Variants in TCF7L1 observed in about 807,000 individuals in gnomAD.
TCF7L1 encodes transcription factor 7 like 1.
In TCF7L1, 18 loss-of-function variants were observed where a neutral mutation model predicts 63.7. The observed-to-expected ratio is 0.28, with a 90% CI of 0.20 to 0.42. The LOEUF (loss-of-function observed/expected upper bound fraction) is 0.42, where lower values mean the gene tolerates loss of function less well. Ranked by LOEUF, TCF7L1 falls within the 10% of genes least tolerant of loss-of-function variation. TCF7L1 has a pLI of 1.00. For missense variants in TCF7L1, 654 were observed against 779.3 expected, an observed-to-expected ratio of 0.84 and a Z score of 1.91; for synonymous variants, 355 against 340.9, an observed-to-expected ratio of 1.04 and a Z score of -0.46.
At chr2:85,284,349 C>A (rs1288440043) in intron 4 of TCF7L1, among the ~76,000 whole-genome samples, 1 of 152,176 alleles carries the variant, frequency 6.6e-6, no homozygotes, top group Non-Finnish European at 1.5e-5. Flanking sequence ...GGAAAGAATT[C>A]AATAGGACGT....
intron 3 of TCF7L1, among the ~76,000 whole-genome samples, chr2:85,266,727 C>A (rs539843168): frequency 6.6e-6 from 1 of 152,262 alleles, no homozygotes; most frequent in African/African-American, 2.4e-5. Context: ...TTCAATAATA[C>A]AAGTATTCTT....
At chr2:85,265,018 C>A (rs908301) in intron 3 of TCF7L1, among the ~76,000 whole-genome samples, 1 of 151,756 alleles carries the variant, frequency 6.6e-6, no homozygotes, top group Non-Finnish European at 1.5e-5. Context: ...ATGGATCCAC[C>A]GGAATGAAGA....
intron 3 of TCF7L1, among the ~76,000 whole-genome samples, chr2:85,235,305 G>GT (rs1273816016): frequency 2.0e-5 from 3 of 151,764 alleles, no homozygotes; most frequent in Non-Finnish European, 4.4e-5. Context: ...AAAGCACTTG[G>GT]ATGTGAGTTT....
intron 3 of TCF7L1, among the ~76,000 whole-genome samples, chr2:85,202,011 G>A (rs1390725086): frequency 3.3e-5 from 5 of 151,974 alleles, no homozygotes; most frequent in South Asian, 4.2e-4. Context: ...CACCCAGGCT[G>A]AAGTGCAGTG....
intron 4 of TCF7L1, among the ~76,000 whole-genome samples, chr2:85,294,897 GGT>G (rs1206349443): frequency 6.6e-6 from 1 of 151,960 alleles, no homozygotes; most frequent in Non-Finnish European, 1.5e-5. Flanking sequence ...AGCCGGGCAT[GGT>G]GGCACATACC....
Position 85,305,909 on chromosome 2 carries a change from C to T in TCF7L1, c.990-297C>T, listed in dbSNP as rs536822030. ...GCCCCACACTGTGTCCTGTCACCGC[C>T]GCCAGCACCTGCCAGCTCCAGTGAG... is the stretch of plus-strand genomic sequence containing the variant. On this transcript the variant is annotated intron_variant, in intron 8 of 11. Transcript: ENST00000282111. Among the ~76,000 whole-genome samples the T allele has an allele frequency of 4.3e-4, 65 of 152,252 alleles. No homozygotes were observed. The South Asian group carries it at 0.013, about 30-fold the overall frequency.
chr2:85,181,656 GAGA>G (rs1173254625), intron 3 of TCF7L1, among the ~76,000 whole-genome samples: 2 of 152,276 alleles, frequency 1.3e-5, no homozygotes, highest in East Asian at 1.9e-4. Context: ...CTGCTTGGAG[GAGA>G]AGGTCTGGGG....
chr2:85,291,629 A>G (rs1293029633), intron 4 of TCF7L1, among the ~76,000 whole-genome samples: 1 of 152,156 alleles, frequency 6.6e-6, no homozygotes, highest in Admixed American at 6.5e-5. Context: ...CCCAAGCAGG[A>G]GTGCAATGGC....
At chr2:85,147,445 C>T (rs754166617) in intron 3 of TCF7L1, among the ~76,000 whole-genome samples, 2 of 152,154 alleles carry the variant, frequency 1.3e-5, no homozygotes, top group African/African-American at 4.8e-5. Flanking sequence ...ACCCCAGCAC[C>T]TCCTAGATGA....
At chr2:85,164,964 G>A (rs1678381580) in intron 3 of TCF7L1, among the ~76,000 whole-genome samples, 1 of 152,166 alleles carries the variant, frequency 6.6e-6, no homozygotes, top group East Asian at 1.9e-4. Flanking sequence ...TACCATGGTG[G>A]AAAATATAAA....
At chr2:85,142,432 ATGTGTGTGTGTGT>A (rs1677759950) in intron 3 of TCF7L1, among the ~76,000 whole-genome samples, 3 of 138,064 alleles carry the variant, frequency 2.2e-5, no homozygotes, top group African/African-American at 8.2e-5. Flanking sequence ...AAAAAAAAAA[ATGTGTGTGTGTGT>A]GTGTGTGTGT....
chr2:85,166,239 T>C (rs1355483898), intron 3 of TCF7L1, among the ~76,000 whole-genome samples: 1 of 152,166 alleles, frequency 6.6e-6, no homozygotes, highest in Non-Finnish European at 1.5e-5. Context: ...TGGGCTATTA[T>C]TTACAGGGCT....
intron 3 of TCF7L1, among the ~76,000 whole-genome samples, chr2:85,253,309 G>A (rs1381148976): frequency 7.4e-6 from 1 of 134,434 alleles, no homozygotes; most frequent in African/African-American, 2.8e-5. Flanking sequence ...TGTGATTGTC[G>A]TTTTACCTAA....
At chr2:85,249,924 T>TGA (rs1243059277) in intron 3 of TCF7L1, among the ~76,000 whole-genome samples, 7 of 152,242 alleles carry the variant, frequency 4.6e-5, no homozygotes, top group African/African-American at 1.7e-4. Flanking sequence ...TATGTTGTTC[T>TGA]GAGGATTAAG....
In TCF7L1 at chr2:85,134,415, T is replaced by G. The variant is rs749551627; in HGVS notation, c.406T>G (p.Ser136Ala). Residue 136 changes from serine (S) to alanine (A), a missense_variant, in exon 3 of 12, where the codon TCC (serine) becomes GCC (alanine). By Grantham distance (99) the Ser-to-Ala change is moderately conservative (BLOSUM62 1). Transcript: ENST00000282111. This position sits in a 1 kb window ranked among gnomAD's most constrained non-coding sequence, Gnocchi z 5.0. ...MIPDLSSPYL[S>A]NGPLSPGGAR... Reference sequence around the variant, plus strand: ...CCCGGACCTGAGCAGCCCGTACCTCTCCAACGGACCCCTGTCTCCCGGAGG... The same window carrying G: ...CCCGGACCTGAGCAGCCCGTACCTCGCCAACGGACCCCTGTCTCCCGGAGG... 3 of 1,564,018 alleles carry G rather than the reference T, an allele frequency of 1.9e-6. No individual in the cohort carries two copies. Among genetic ancestry groups the G allele is most frequent in the Admixed American group, 3.8e-5 (2 of 53,266 alleles).
At chr2:85,242,733 G>A (rs1680364586) in intron 3 of TCF7L1, among the ~76,000 whole-genome samples, 1 of 152,182 alleles carries the variant, frequency 6.6e-6, no homozygotes, top group Non-Finnish European at 1.5e-5. Context: ...TTCCACACGG[G>A]ATGTGTTGCT....
chr2:85,134,577 G>A lies in TCF7L1; in HGVS notation c.441+127G>A. ...ATCCCAAGCAGAACTTGTTTGCGGA[G>A]TTGAACTACTCTCTGGCGGCCGAGC... is the stretch of plus-strand genomic sequence containing the variant. On this transcript the variant is annotated intron_variant, in intron 3 of 11. Coordinates refer to ENST00000282111, the MANE Select transcript of TCF7L1 (RefSeq NM_031283.3). The surrounding 1 kb of genome is among the most constrained non-coding windows in gnomAD (Gnocchi z 5.0). 1.5e-6 allele frequency: 2 copies of A among 1,295,116 alleles called. No individual in the cohort carries two copies. The highest frequency in any genetic ancestry group is 2.1e-6 in the Non-Finnish European group (2 of 970,070). 80.2% of individuals were successfully genotyped at this position (1,295,116 alleles called of 1,614,324 possible). A position where few individuals can be genotyped will look rare whatever the true frequency, so the allele number is the denominator to read the frequency against.
chr2:85,172,673 G>A (rs976677652), intron 3 of TCF7L1, among the ~76,000 whole-genome samples: 14 of 152,192 alleles, frequency 9.2e-5, no homozygotes, highest in South Asian at 2.1e-4. Flanking sequence ...TGATCTGCCC[G>A]CCTTGGCCTC....
At chr2:85,257,836 C>G (rs11904105) in intron 3 of TCF7L1, among the ~76,000 whole-genome samples, 3 of 151,968 alleles carry the variant, frequency 2.0e-5, no homozygotes, top group Non-Finnish European at 4.4e-5. Flanking sequence ...CCTCCCGCCA[C>G]GTAGTGAGGG....
Sources: gnomAD v4.1 joint callset for allele counts (sites outside exome capture counted in the v4.1 genomes callset) on GRCh38, gnomAD v4.1.1 for gene constraint, Gnocchi (gnomAD v3.1) non-coding constraint, MANE v1.5 for transcripts, NCBI Gene and HGNC (gene_info 2026-07-23, HGNC 2026-07-21) for gene names.